The following TMEM229B variants were observed in gnomAD, a reference collection of about 807,000 sequenced individuals.
TMEM229B encodes transmembrane protein 229B, also known as chromosome 14 open reading frame 83.
In TMEM229B, 6 loss-of-function variants were observed where a neutral mutation model predicts 13.7. The ratio of observed to expected loss-of-function variants is 0.44; its 90% confidence interval spans 0.24 to 0.86. The LOEUF (loss-of-function observed/expected upper bound fraction) is 0.86. TMEM229B is among the 40% of genes least tolerant of loss of function. The pLI, the probability that TMEM229B is intolerant of heterozygous loss-of-function variation, is 0.23. For synonymous variants in TMEM229B, 107 were observed against 102.1 expected (o/e 1.05, Z -0.29); for missense variants, 170 against 236.0 (o/e 0.72, Z 1.83).
At chr14:67,510,038 A>AG (rs1566699907) in intron 1 of TMEM229B, among the ~76,000 whole-genome samples, 1 of 152,162 alleles carries the variant, frequency 6.6e-6, no homozygotes, top group Non-Finnish European at 1.5e-5. Context: ...AAAAAAAAAA[A>AG]GAATCAGATA....
rs1180333954 is a variant in TMEM229B, at chr14:67,472,829, G to A, written c.*591C>T. On this transcript the variant is annotated 3_prime_UTR_variant, in exon 3 of 3. Transcript: ENST00000554480. ...ACCACGGGGGCCCCAGAAGGCCAAG[G>A]GAGCAGCGCAGGGCCCTGGGGGAGG... is the stretch of plus-strand genomic sequence containing the variant. The A allele has an allele frequency of 6.5e-6, 1 of 154,920 alleles. No homozygotes were observed. Among genetic ancestry groups the A allele is most frequent in the Admixed American group, 6.4e-5 (1 of 15,694 alleles). The allele number at this position is 154,920 out of a possible 1,614,324, so 9.6% of individuals were successfully genotyped here. A position where few individuals can be genotyped will look rare whatever the true frequency, so the allele number is the denominator to read the frequency against.
chr14:67,532,378 T>C (rs1207393717), intron 1 of TMEM229B, among the ~76,000 whole-genome samples: 1 of 152,186 alleles, frequency 6.6e-6, no homozygotes, highest in Non-Finnish European at 1.5e-5. Context: ...TGTTTTGAAG[T>C]GTGGATCCCT....
At chr14:67,495,337 G>A (rs1006680693) in intron 1 of TMEM229B, among the ~76,000 whole-genome samples, 1 of 152,154 alleles carries the variant, frequency 6.6e-6, no homozygotes, top group African/African-American at 2.4e-5. Context: ...CCTTGCAGAA[G>A]GCATCCATCC....
At chr14:67,488,780 G>C (rs2032032090), upstream of TMEM229B, 1 of 152,360 alleles carries the variant, frequency 6.6e-6, no homozygotes, top group Non-Finnish European at 1.5e-5. Context: ...GGTTACTGCA[G>C]CCAGCTCTGG....
intron 1 of TMEM229B, among the ~76,000 whole-genome samples, chr14:67,514,024 TCAATTACC>T: frequency 6.6e-6 from 1 of 152,152 alleles, no homozygotes; most frequent in Non-Finnish European, 1.5e-5. Context: ...CCCAGGCCTC[TCAATTACC>T]CAAGGCTGAT....
intron 2 of TMEM229B, 119 bp from the exon 3 acceptor site, chr14:67,474,060 T>A: frequency 2.6e-6 from 3 of 1,138,664 alleles, no homozygotes; most frequent in Non-Finnish European, 3.6e-6. Context: ...CAAACCAGCC[T>A]GGCCATCATG....
upstream of TMEM229B, among the ~76,000 whole-genome samples, chr14:67,490,549 T>C (rs1409727707): frequency 2.0e-5 from 3 of 152,224 alleles, no homozygotes; most frequent in Non-Finnish European, 2.9e-5. Flanking sequence ...TTCATGCACA[T>C]AGGATTCACT....
chr14:67,517,943 A>G (rs118103964), upstream of TMEM229B, among the ~76,000 whole-genome samples: 16 of 152,356 alleles, frequency 1.1e-4, no homozygotes, highest in East Asian at 2.9e-3. Context: ...CACAGGGTAG[A>G]GCAGTCTGCT....
In TMEM229B at chr14:67,476,282, G is replaced by C. The variant is rs1282376472; in HGVS notation, c.-18-2341C>G. On this transcript the variant is annotated intron_variant, in intron 2 of 2. Transcript: ENST00000554480. ...AAGCACTTCGTTCGCATTTTGTCAT[G>C]GTTCTTACATAATTAAAATTCAGGC... is the stretch of plus-strand genomic sequence containing the variant. Among the ~76,000 whole-genome samples the C allele has an allele frequency of 1.3e-5, 2 of 152,164 alleles. 1 individual carries two copies. Among genetic ancestry groups the C allele is most frequent in the Admixed American group, 1.3e-4 (2 of 15,270 alleles).
chr14:67,474,269 A>AC (rs2031024721), intron 2 of TMEM229B, among the ~76,000 whole-genome samples: 1 of 145,902 alleles, frequency 6.9e-6, no homozygotes, highest in Non-Finnish European at 1.5e-5. Flanking sequence ...ACAAAACAAA[A>AC]AAAAAACAGA....
chr14:67,532,725 T>G (rs1210026897), intron 1 of TMEM229B, among the ~76,000 whole-genome samples: 1 of 152,182 alleles, frequency 6.6e-6, no homozygotes, highest in Non-Finnish European at 1.5e-5. Flanking sequence ...GTAACTTATT[T>G]TTTCTTTTTC....
rs145846678 is a variant in TMEM229B, at chr14:67,529,602, C to T, written c.-192+4034G>A. On this transcript the variant is annotated intron_variant, in intron 1 of 2. Transcript: ENST00000554278. ...TGAGGATTTAGCCACTGGGCCATTTCCTTTCCTTCCTAACTGGCCCTTCTC... is the reference window on the plus strand; with the variant it reads ...TGAGGATTTAGCCACTGGGCCATTTTCTTTCCTTCCTAACTGGCCCTTCTC... Among the ~76,000 whole-genome samples the T allele has an allele frequency of 7.0e-3, 1,072 of 152,292 alleles. 3 individuals carry two copies. Among genetic ancestry groups the T allele is most frequent in the Non-Finnish European group, 0.01 (699 of 68,022 alleles).
intron 2 of TMEM229B, among the ~76,000 whole-genome samples, chr14:67,474,265 C>CAAA (rs142238210): frequency 0.21 from 30,478 of 144,332 alleles, 3,203 homozygotes; most frequent in Middle Eastern, 0.29. Context: ...AAAAACAAAA[C>CAAA]AAAAAAAAAA....
chr14:67,513,217 T>C (rs1488514833), intron 1 of TMEM229B, among the ~76,000 whole-genome samples: 3 of 152,186 alleles, frequency 2.0e-5, no homozygotes, highest in Non-Finnish European at 4.4e-5. Context: ...CAGGCCTCCA[T>C]ATCATTATCC....
At chr14:67,507,050 T>C (rs1255404434) in intron 1 of TMEM229B, among the ~76,000 whole-genome samples, 1 of 152,102 alleles carries the variant, frequency 6.6e-6, no homozygotes, top group Non-Finnish European at 1.5e-5. Context: ...AGCCTAGCCA[T>C]AGCCCAATTC....
At chr14:67,493,154 A>C (rs916255017), upstream of TMEM229B, among the ~76,000 whole-genome samples, 14 of 152,204 alleles carry the variant, frequency 9.2e-5, no homozygotes, top group African/African-American at 3.1e-4. Flanking sequence ...GAGAAACAGC[A>C]AGGCCAGAGT....
At position 67,525,787 on chromosome 14, in the gene TMEM229B, A is replaced by G. The variant is rs561805518; in HGVS notation, c.-192+7849T>C. Among the ~76,000 whole-genome samples the G allele has an allele frequency of 1.3e-4, 20 of 152,356 alleles. 1 individual carries two copies. The highest frequency in any genetic ancestry group is 8.5e-4 in the Admixed American group (13 of 15,312). On this transcript the variant is annotated intron_variant, in intron 1 of 2. Coordinates refer to the TMEM229B transcript ENST00000554278. Reference sequence around the variant, plus strand: ...TCAACATTAACAATTTTGCCTCCCAAAAGAACCATGATCTTCTCAGGAGTG... The same window carrying G: ...TCAACATTAACAATTTTGCCTCCCAGAAGAACCATGATCTTCTCAGGAGTG...
chr14:67,507,321 C>T (rs2032862907), intron 1 of TMEM229B, among the ~76,000 whole-genome samples: 1 of 152,042 alleles, frequency 6.6e-6, no homozygotes, highest in African/African-American at 2.4e-5. Context: ...TGCACTCCAG[C>T]CTGGGTGACA....
intron 1 of TMEM229B, among the ~76,000 whole-genome samples, chr14:67,513,410 T>C (rs1459132925): frequency 6.6e-6 from 1 of 152,182 alleles, no homozygotes; most frequent in Middle Eastern, 3.2e-3. Context: ...AATCTATAGC[T>C]CAGGGGACTC....
Sources: allele counts gnomAD v4.1 joint callset (sites outside exome capture counted in the v4.1 genomes callset), GRCh38; gene constraint gnomAD v4.1.1; transcripts MANE v1.5; gene names NCBI Gene and HGNC (gene_info 2026-07-23, HGNC 2026-07-21).